Variants in ARL15 observed in about 807,000 individuals in gnomAD.
ARL15 encodes the protein ARF like GTPase 15, also known as ADP-ribosylation factor-like protein 15.
In ARL15, 19 loss-of-function variants were observed where a neutral mutation model predicts 25.2. That is an observed-to-expected ratio of 0.75 (90% CI 0.53 to 1.10). The LOEUF is 1.10. ARL15 is among the 50% of genes least tolerant of loss of function. The pLI is 0.00. For synonymous variants in ARL15, 94 were observed against 86.8 expected (o/e 1.08, Z -0.46); for missense variants, 220 against 246.0 (o/e 0.89, Z 0.71).
chr5:53,996,131 A>T (rs578070710), intron 4 of ARL15, among the ~76,000 whole-genome samples: 5 of 152,314 alleles, frequency 3.3e-5, no homozygotes, highest in African/African-American at 1.2e-4. Context: ...TAGATGGGTG[A>T]GCAAAAAACC....
chr5:53,961,056 T>C (rs1747347126), intron 4 of ARL15, among the ~76,000 whole-genome samples: 1 of 152,162 alleles, frequency 6.6e-6, no homozygotes, highest in African/African-American at 2.4e-5. Flanking sequence ...CATCCAGTTG[T>C]GGACTGGGGA....
At chr5:54,172,863 T>G (rs964173433) in intron 1 of ARL15, among the ~76,000 whole-genome samples, 6 of 152,206 alleles carry the variant, frequency 3.9e-5, no homozygotes, top group Non-Finnish European at 2.9e-5. Context: ...TAAATTCTTT[T>G]TCAGGTCAAT....
At chr5:54,095,653 T>TC (rs1004173778) in intron 4 of ARL15, among the ~76,000 whole-genome samples, 11 of 152,054 alleles carry the variant, frequency 7.2e-5, no homozygotes, top group Middle Eastern at 3.4e-3. Flanking sequence ...GCAGGCTTTC[T>TC]CCCCCCAAGT....
chr5:54,014,125 T>G (rs900140178), intron 4 of ARL15, among the ~76,000 whole-genome samples: 1 of 152,218 alleles, frequency 6.6e-6, no homozygotes, highest in Non-Finnish European at 1.5e-5. Flanking sequence ...TGGAGCATTT[T>G]GGATTTCAAA....
intron 1 of ARL15, among the ~76,000 whole-genome samples, chr5:54,284,448 C>T (rs1758139053): frequency 6.6e-6 from 1 of 152,160 alleles, no homozygotes; most frequent in African/African-American, 2.4e-5. Context: ...CACAGCCTAA[C>T]CTAATCCTAA....
intron 4 of ARL15, among the ~76,000 whole-genome samples, chr5:53,897,810 G>C (rs1207822250): frequency 6.6e-6 from 1 of 152,068 alleles, no homozygotes; most frequent in Admixed American, 6.6e-5. Flanking sequence ...TAATTTGTTA[G>C]TACAGTTGAT....
chr5:54,248,567 G>A (rs761980865), intron 1 of ARL15, among the ~76,000 whole-genome samples: 6 of 152,066 alleles, frequency 3.9e-5, no homozygotes, highest in Middle Eastern at 6.3e-3. Context: ...TTTTCTCACT[G>A]CCTTATTAAT....
chr5:54,039,826 A>AC (rs1750282128), intron 4 of ARL15, among the ~76,000 whole-genome samples: 1 of 141,370 alleles, frequency 7.1e-6, no homozygotes, highest in Non-Finnish European at 1.6e-5. Context: ...AAAAAAAAAA[A>AC]CAAGGCAAAT....
chr5:53,982,746 T>C (rs955049826), intron 4 of ARL15, among the ~76,000 whole-genome samples: 10 of 152,206 alleles, frequency 6.6e-5, no homozygotes, highest in Non-Finnish European at 1.3e-4. Context: ...TTCTAGATCC[T>C]TGAGGAATCG....
chr5:53,932,992 A>G (rs1008115195), intron 4 of ARL15, among the ~76,000 whole-genome samples: 3 of 152,234 alleles, frequency 2.0e-5, no homozygotes, highest in African/African-American at 7.2e-5. Flanking sequence ...TAATCATATA[A>G]GCATGAAAAT....
At chr5:53,942,285 G>A (rs1746561871) in intron 4 of ARL15, among the ~76,000 whole-genome samples, 1 of 152,120 alleles carries the variant, frequency 6.6e-6, no homozygotes, top group African/African-American at 2.4e-5. Flanking sequence ...TTTGAGTTGT[G>A]TGGGGGCTTC....
chr5:54,309,109 C>G (rs192438137), intron 1 of ARL15, among the ~76,000 whole-genome samples: 1 of 152,090 alleles, frequency 6.6e-6, no homozygotes, highest in Non-Finnish European at 1.5e-5. Context: ...TCAGATAATC[C>G]CCGTAACCAG....
chr5:54,026,433 C>A (rs1470025109), intron 4 of ARL15, among the ~76,000 whole-genome samples: 1 of 152,082 alleles, frequency 6.6e-6, no homozygotes, highest in African/African-American at 2.4e-5. Context: ...CAATGCCCGG[C>A]TAATGTTTGT....
intron 4 of ARL15, among the ~76,000 whole-genome samples, chr5:54,029,766 G>T (rs1174783582): frequency 6.6e-6 from 1 of 152,086 alleles, no homozygotes; most frequent in African/African-American, 2.4e-5. Flanking sequence ...GGCTGAGGCG[G>T]GCAGATCACG....
At chr5:54,294,391 G>A (rs559913242) in intron 1 of ARL15, among the ~76,000 whole-genome samples, 6 of 152,336 alleles carry the variant, frequency 3.9e-5, no homozygotes, top group South Asian at 2.1e-4. Flanking sequence ...ACAGGCTACC[G>A]TCTCAGTAGT....
chr5:54,282,651 T>C (rs1758090158), intron 1 of ARL15: 1 of 781,396 alleles, frequency 1.3e-6, no homozygotes, highest in Admixed American at 6.2e-5. Context: ...CCCATTTTAA[T>C]AATAAATATT....
At chr5:54,289,245 A>G (rs1304725888) in intron 1 of ARL15, among the ~76,000 whole-genome samples, 1 of 152,142 alleles carries the variant, frequency 6.6e-6, no homozygotes, top group African/African-American at 2.4e-5. Flanking sequence ...GCCATGTCCC[A>G]TGCTGGGGAC....
At chr5:54,306,146 G>T (rs543968151) in intron 1 of ARL15, among the ~76,000 whole-genome samples, 45 of 152,220 alleles carry the variant, frequency 3.0e-4, no homozygotes, top group Non-Finnish European at 5.6e-4. Context: ...GACTTTCAGG[G>T]CCATGCAGAA....
At chr5:53,964,370 AT>A (rs1269308186) in intron 4 of ARL15, among the ~76,000 whole-genome samples, 1 of 151,702 alleles carries the variant, frequency 6.6e-6, no homozygotes, top group Non-Finnish European at 1.5e-5. Context: ...TTATTTATTT[AT>A]TTTTTTGAGA....
Sources: gnomAD v4.1 joint callset for allele counts (sites outside exome capture counted in the v4.1 genomes callset) on GRCh38, gnomAD v4.1.1 for gene constraint, MANE v1.5 for transcripts, NCBI Gene and HGNC (gene_info 2026-07-23, HGNC 2026-07-21) for gene names.